TMEM145: variants seen among roughly 807,000 people sequenced by gnomAD.
TMEM145 encodes the protein transmembrane protein 145.
In TMEM145, 46 loss-of-function variants were observed where a neutral mutation model predicts 68.5. That is an observed-to-expected ratio of 0.67 (90% CI 0.53 to 0.86). The LOEUF (loss-of-function observed/expected upper bound fraction) is 0.86, where lower values mean the gene tolerates loss of function less well. TMEM145 is among the 40% of genes least tolerant of loss of function. The probability of loss-of-function intolerance (pLI) is 0.00; values close to 1 mark genes in which losing one functional copy is unlikely to be tolerated. For missense variants in TMEM145, 570 were observed against 645.8 expected, an observed-to-expected ratio of 0.88 and a Z score of 1.27; for synonymous variants, 255 against 280.2, an observed-to-expected ratio of 0.91 and a Z score of 0.90.
chr19:42,322,188 C>T (rs2038917915), intron 13 of TMEM145, among the ~76,000 whole-genome samples: 1 of 152,196 alleles, frequency 6.6e-6, no homozygotes. Context: ...GACTCGCTCA[C>T]CTTCCCAGGC....
At position 42,317,943 on chromosome 19, in the gene TMEM145, GC is replaced by G. The variant is rs1361656373; in HGVS notation, c.1073+68del. The G allele has an allele frequency of 3.8e-6, 6 of 1,586,818 alleles. No homozygotes were observed. In the East Asian group the frequency reaches 9.0e-5, roughly 24 times the overall value. Reference sequence around the variant, plus strand: ...CTCTCGGGGCTCCCCAGAAGTGGTTGCCCCCCATCTCAGACCCTCCATAGTG... The same window carrying G: ...CTCTCGGGGCTCCCCAGAAGTGGTTGCCCCCATCTCAGACCCTCCATAGTG... On this transcript the variant is annotated intron_variant, in intron 12 of 14. Coordinates refer to ENST00000301204, the MANE Select transcript of TMEM145 (RefSeq NM_173633.3).
Position 42,323,716 on chromosome 19 carries a change from G to C in TMEM145, c.1328G>C (p.Gly443Ala). Residue 443 changes from glycine to alanine, a missense_variant, in exon 14 of 15, where the codon GGG becomes GCG. Transcript: ENST00000301204. Reference protein sequence around the residue: ...ADKAFPQHVYGNVTFISDSVP... With the variant: ...ADKAFPQHVYANVTFISDSVP... The stretch of plus-strand genomic sequence containing the variant: ...AAGGCCTTCCCGCAGCACGTCTATG[G>C]GAACGTGACGTTTATCAGCGACTCG... 1 of 1,614,166 alleles carries C rather than the reference G, an allele frequency of 6.2e-7. No homozygotes were observed. Among genetic ancestry groups the C allele is most frequent in the Non-Finnish European group, 8.5e-7 (1 of 1,180,012 alleles).
Position 42,315,413 on chromosome 19 carries a change from A to T in TMEM145, c.619A>T (p.Met207Leu). ...TCAGTTGCTCCACACAACTTATAAAATGTTCATGGCCGCAGCAGGAGTAGA... is the reference window on the plus strand; with the variant it reads ...TCAGTTGCTCCACACAACTTATAAATTGTTCATGGCCGCAGCAGGAGTAGA... ...GRQLLHTTYK[M>L]FMAAAGVEVL... is the part of the protein sequence containing the mutation. Residue 207 changes from methionine (M) to leucine (L), a missense_variant, in exon 8 of 15, where the codon ATG becomes TTG. Met to Leu is a conservative substitution (Grantham distance 15, BLOSUM62 2). Transcript: ENST00000301204. 1 of 1,614,110 alleles carries T rather than the reference A, an allele frequency of 6.2e-7. No homozygotes were observed. Among genetic ancestry groups the T allele is most frequent in the Non-Finnish European group, 8.5e-7 (1 of 1,180,010 alleles).
intron 9 of TMEM145, 47 bp downstream of exon 9, chr19:42,316,608 T>C (rs2038860247): frequency 5.0e-6 from 8 of 1,613,110 alleles, no homozygotes; most frequent in Middle Eastern, 1.6e-4. Context: ...AGGGCTCAGG[T>C]TGGGCATCAG....
chr19:42,323,467 G>A (rs1441227397), intron 13 of TMEM145, 116 bp from the exon 14 acceptor site: 1 of 977,040 alleles, frequency 1.0e-6, no homozygotes, highest in African/African-American at 1.6e-5. Flanking sequence ...AGTGTGAATG[G>A]CTTCAGGGAA....
intron 8 of TMEM145, among the ~76,000 whole-genome samples, chr19:42,316,020 A>G (rs909867351): frequency 1.7e-4 from 26 of 151,110 alleles, no homozygotes; most frequent in African/African-American, 5.4e-4. Context: ...ACAGAGAGAG[A>G]CTCTGTCTCA....
At position 42,324,974 on chromosome 19, in the gene TMEM145, C is replaced by T; in HGVS notation, c.*157C>T. ...CGGACCCGTACTCCATCTGCCGCAT[C>T]TCCATTCCGGGGGCCTTCCCTCGGG... On this transcript the variant is annotated 3_prime_UTR_variant, in exon 15 of 15. Coordinates refer to ENST00000301204, the MANE Select transcript of TMEM145 (RefSeq NM_173633.3). 1 of 1,210,704 alleles carries T rather than the reference C, an allele frequency of 8.3e-7. No individual in the cohort carries two copies. The highest frequency in any genetic ancestry group is 1.0e-6 in the Non-Finnish European group (1 of 955,878). 75.0% of individuals were successfully genotyped at this position (1,210,704 alleles called of 1,614,324 possible). A position where few individuals can be genotyped will look rare whatever the true frequency, so the allele number is the denominator to read the frequency against.
Position 42,314,505 on chromosome 19 carries a change from G to A in TMEM145, c.250G>A (p.Ala84Thr), listed in dbSNP as rs1175291929. The change falls in exon 3 of 15, where the codon GCC becomes ACC. Residue 84 changes from alanine to threonine, a missense_variant. Ala to Thr is a moderately conservative substitution (Grantham distance 58). Transcript: ENST00000301204. ...TTTTGATGACCCATCCCAGTGGCCA[G>A]CCGTGTACAAGGCAGGGGACAAGGT... ...LYFDDPSQWP[A>T]VYKAGDKDCL... is the part of the protein sequence containing the mutation. 9 of 1,614,088 alleles carry A rather than the reference G, an allele frequency of 5.6e-6. No homozygotes were observed. The highest frequency in any genetic ancestry group is 3.3e-5 in the South Asian group (3 of 91,086).
chr19:42,323,995 G>T (rs887572886), intron 14 of TMEM145, among the ~76,000 whole-genome samples: 1 of 151,420 alleles, frequency 6.6e-6, no homozygotes, highest in Non-Finnish European at 1.5e-5. Context: ...GCGCTGTTGC[G>T]CACACCCCCG....
rs998154830 is a variant in TMEM145, at chr19:42,314,508, G to A, written c.253G>A (p.Val85Met). The change falls in exon 3 of 15, where the codon GTG becomes ATG. Residue 85 changes from valine to methionine, a missense_variant. By Grantham distance (21) the Val-to-Met change is conservative (BLOSUM62 1). Coordinates refer to ENST00000301204, the MANE Select transcript of TMEM145 (RefSeq NM_173633.3). The stretch of plus-strand genomic sequence containing the variant: ...TGATGACCCATCCCAGTGGCCAGCC[G>A]TGTACAAGGCAGGGGACAAGGTGAG... ...YFDDPSQWPA[V>M]YKAGDKDCLA... The A allele has an allele frequency of 1.2e-6, 2 of 1,614,068 alleles. No homozygotes were observed. The highest frequency in any genetic ancestry group is 1.7e-5 in the Admixed American group (1 of 60,002).
intron 12 of TMEM145, among the ~76,000 whole-genome samples, chr19:42,319,716 G>A (rs181810929): frequency 1.7e-3 from 257 of 151,024 alleles, no homozygotes; most frequent in African/African-American, 5.8e-3. Context: ...CCAAAGTACT[G>A]GGATTACAGG....
At chr19:42,317,044 T>C in intron 11 of TMEM145, 81 bp downstream of exon 11, 1 of 1,227,310 alleles carries the variant, frequency 8.1e-7, no homozygotes, top group South Asian at 1.3e-5. Context: ...CTGCTCGCCC[T>C]TGCCCACATC....
chr19:42,314,066 G>T (rs912711640), intron 1 of TMEM145, among the ~76,000 whole-genome samples: 1 of 151,930 alleles, frequency 6.6e-6, no homozygotes, highest in South Asian at 2.1e-4. Context: ...AGGAAACTTG[G>T]GGGGGCAATG....
chr19:42,316,755 C>G lies in TMEM145; in HGVS notation c.806+15C>G. The G allele has an allele frequency of 8.2e-7, 1 of 1,219,930 alleles. No homozygotes were observed. The highest frequency in any genetic ancestry group is 1.1e-6 in the Non-Finnish European group (1 of 891,262). 75.6% of individuals were successfully genotyped at this position (1,219,930 alleles called of 1,614,324 possible). ...ACGGTGACACGGTGCCCGGGCAGGGCGTGCTCGTGGGGCGGCTGGTGGGGG... is the reference window on the plus strand; with the variant it reads ...ACGGTGACACGGTGCCCGGGCAGGGGGTGCTCGTGGGGCGGCTGGTGGGGG... On this transcript the variant is annotated intron_variant, in intron 10 of 14. Transcript: ENST00000301204.
At chr19:42,314,724 G>C in intron 4 of TMEM145, 25 bp downstream of exon 4, 1 of 1,614,180 alleles carries the variant, frequency 6.2e-7, no homozygotes, top group Non-Finnish European at 8.5e-7. Flanking sequence ...TGGGGGAGTG[G>C]GCAGGTGCTG....
At position 42,324,609 on chromosome 19, in the gene TMEM145, C is replaced by T. The variant is rs533386343; in HGVS notation, c.1402-128C>T. Reference sequence around the variant, plus strand: ...CCCCTGCTTTATCCCGGCCCGAGAGCTCGCCCATCCCCGGCCTTCCCGACC... The same window carrying T: ...CCCCTGCTTTATCCCGGCCCGAGAGTTCGCCCATCCCCGGCCTTCCCGACC... On this transcript the variant is annotated intron_variant, in intron 14 of 14. Transcript: ENST00000301204. 1.5e-3 allele frequency: 2,031 copies of T among 1,343,602 alleles called. 42 individuals are homozygous for T. In the South Asian group the frequency reaches 0.031, roughly 20 times the overall value. 83.2% of individuals were successfully genotyped at this position (1,343,602 alleles called of 1,614,324 possible).
At chr19:42,320,558 C>G in intron 13 of TMEM145, 121 bp downstream of exon 13, 1 of 1,423,144 alleles carries the variant, frequency 7.0e-7, no homozygotes, top group Non-Finnish European at 9.7e-7. Context: ...TCCTTTTAGT[C>G]ATTCTCCCTT....
intron 12 of TMEM145, among the ~76,000 whole-genome samples, chr19:42,318,745 T>C (rs1423088422): frequency 6.7e-6 from 1 of 149,762 alleles, no homozygotes; most frequent in African/African-American, 2.5e-5. Flanking sequence ...CATAGGCCAC[T>C]ATATGAGGGC....
chr19:42,319,708 A>C (rs920168878), intron 12 of TMEM145, among the ~76,000 whole-genome samples: 6 of 150,850 alleles, frequency 4.0e-5, no homozygotes, highest in African/African-American at 1.5e-4. Flanking sequence ...TTGGCCTCCC[A>C]AAGTACTGGG....
Sources: gnomAD v4.1 joint callset for allele counts (sites outside exome capture counted in the v4.1 genomes callset) on GRCh38, gnomAD v4.1.1 for gene constraint, MANE v1.5 for transcripts, NCBI Gene and HGNC (gene_info 2026-07-23, HGNC 2026-07-21) for gene names.